The following EPS8L1 variants were observed in gnomAD, a reference collection of about 807,000 sequenced individuals.
The protein encoded by EPS8L1 is epidermal growth factor receptor kinase substrate 8-like protein 1.
In EPS8L1, 101 loss-of-function variants were observed where a neutral mutation model predicts 91.7. The observed-to-expected ratio is 1.10, with a 90% CI of 0.94 to 1.30. The LOEUF (loss-of-function observed/expected upper bound fraction) is 1.30, where lower values mean the gene tolerates loss of function less well. Ranked by LOEUF, EPS8L1 falls within the 50% of genes most tolerant of loss-of-function variation. The pLI, the probability that EPS8L1 is intolerant of heterozygous loss-of-function variation, is 0.00. For missense variants in EPS8L1, 1,114 were observed against 1,017.0 expected (o/e 1.10, Z -1.30); for synonymous variants, 506 against 445.3 (o/e 1.14, Z -1.72).
In EPS8L1 at chr19:55,079,808, G is replaced by C. The variant is rs370375170; in HGVS notation, c.236G>C (p.Arg79Pro). The C allele has an allele frequency of 2.9e-5, 46 of 1,613,892 alleles. No individual in the cohort carries two copies. The highest frequency in any genetic ancestry group is 3.8e-5 in the Non-Finnish European group (45 of 1,179,992). Residue 79 changes from arginine to proline, a missense_variant, in exon 5 of 20, where the codon CGA (arginine) becomes CCA (proline). Transcript: ENST00000201647. ...GTCTGGGCACAGGAGATGCTGCTGC[G>C]AGTGTCTCCCGACCATGTCACGCTG... ...GRVWAQEMLLRVSPDHVTLLD... is the reference protein window; with the variant it reads ...GRVWAQEMLLPVSPDHVTLLD...
In EPS8L1 at chr19:55,083,722, C is replaced by T; in HGVS notation, c.1385+78C>T. 6.5e-7 allele frequency: 1 copy of T among 1,534,298 alleles called. No individual in the cohort carries two copies. Among genetic ancestry groups the T allele is most frequent in the Non-Finnish European group, 8.8e-7 (1 of 1,132,948 alleles). ...GGGGCTCCCGATGCTGACTCCGCCC[C>T]CTTTTTTTCTGTGTTTTTCCTTCTG... On this transcript the variant is annotated intron_variant, in intron 14 of 19. Coordinates refer to ENST00000201647, the MANE Select transcript of EPS8L1 (RefSeq NM_133180.3). This position sits in a 1 kb window ranked among gnomAD's most constrained non-coding sequence, Gnocchi z 4.7.
In EPS8L1 at chr19:55,086,088, A is replaced by G; in HGVS notation, c.1546A>G (p.Lys516Glu). Reference sequence around the variant, plus strand: ...CCTGGATGACAGTCGTAAGTGGTGGAAGGTTCGGGACCCAGCGGGGCAGGA... The same window carrying G: ...CCTGGATGACAGTCGTAAGTGGTGGGAGGTTCGGGACCCAGCGGGGCAGGA... ...EVLDDSRKWW[K>E]VRDPAGQEGY... The change falls in exon 16 of 20, where the codon AAG (lysine) becomes GAG (glutamate). Residue 516 changes from lysine (K) to glutamate (E), a missense_variant. Transcript: ENST00000201647. 3 of 1,600,066 alleles carry G rather than the reference A, an allele frequency of 1.9e-6. No homozygotes were observed. The highest frequency in any genetic ancestry group is 2.6e-6 in the Non-Finnish European group (3 of 1,171,190).
intron 5 of EPS8L1, 101 bp downstream of exon 5, chr19:55,079,952 G>A: frequency 1.4e-6 from 2 of 1,462,920 alleles, no homozygotes; most frequent in South Asian, 1.4e-5. Flanking sequence ...TGGGAACTCT[G>A]GCGAGGGACC....
At position 55,081,581 on chromosome 19, in the gene EPS8L1, G is replaced by C; in HGVS notation, c.774+89G>C. ...GAAGGGCGGGGCCGGCTGCGGGACG[G>C]GCGTTCTCTGGTCAGACTTCTGCGT... On this transcript the variant is annotated intron_variant, in intron 8 of 19. Transcript: ENST00000201647. The surrounding 1 kb of genome is among the most constrained non-coding windows in gnomAD (Gnocchi z 4.9). 4 of 1,448,856 alleles carry C rather than the reference G, an allele frequency of 2.8e-6. No individual in the cohort carries two copies. Among genetic ancestry groups the C allele is most frequent in the Non-Finnish European group, 2.7e-6 (3 of 1,098,056 alleles). 89.8% of individuals were successfully genotyped at this position (1,448,856 alleles called of 1,614,324 possible).
chr19:55,078,140 G>A lies in EPS8L1; in HGVS notation c.58+12G>A, dbSNP rs1342942525. Reference sequence around the variant, plus strand: ...CAAGTCTATCTATGGTGAGCGGGGGGCAAGGGAGCCCCAGGCCCATAGAAC... The same window carrying A: ...CAAGTCTATCTATGGTGAGCGGGGGACAAGGGAGCCCCAGGCCCATAGAAC... On this transcript the variant is annotated intron_variant, in intron 3 of 19. Coordinates refer to ENST00000201647, the MANE Select transcript of EPS8L1 (RefSeq NM_133180.3). 3.1e-6 allele frequency: 5 copies of A among 1,612,828 alleles called. No individual in the cohort carries two copies. The highest frequency in any genetic ancestry group is 1.1e-5 in the South Asian group (1 of 91,012).
At chr19:55,082,005 C>T in intron 9 of EPS8L1, 87 bp from the exon 10 acceptor site, 1 of 1,552,180 alleles carries the variant, frequency 6.4e-7, no homozygotes, top group Non-Finnish European at 8.7e-7. Context: ...GCTGACCTCA[C>T]CGCCATCTTA....
chr19:55,086,519 G>T lies in EPS8L1; in HGVS notation c.1777+1G>T. ...AACGGCTTGGACCCCAGCGAGAAGG[G>T]TGAGTGGTGGGGACGCCGGCTGCGG... On this transcript the variant is annotated splice_donor_variant, in intron 17 of 19. Transcript: ENST00000201647. LOFTEE classifies it high-confidence loss of function. The T allele has an allele frequency of 6.4e-7, 1 of 1,551,044 alleles. No homozygotes were observed. Among genetic ancestry groups the T allele is most frequent in the South Asian group, 1.2e-5 (1 of 84,024 alleles).
rs1048331785 is a variant in EPS8L1 at position 55,082,712 on chromosome 19, T to C, written c.1214+110T>C. On this transcript the variant is annotated intron_variant, in intron 12 of 19. Coordinates refer to ENST00000201647, the MANE Select transcript of EPS8L1 (RefSeq NM_133180.3). ...ATAGGACTAGGAGAGTAGGGAGGGGTTAGAGGCGTGGCTTAGTTGTGTTGG... is the reference window on the plus strand; with the variant it reads ...ATAGGACTAGGAGAGTAGGGAGGGGCTAGAGGCGTGGCTTAGTTGTGTTGG... The C allele has an allele frequency of 1.9e-5, 19 of 1,009,112 alleles. 1 individual carries two copies. Among genetic ancestry groups the C allele is most frequent in the African/African-American group, 3.3e-5 (2 of 60,520 alleles). The allele number at this position is 1,009,112 out of a possible 1,614,324, so 62.5% of individuals were successfully genotyped here.
chr19:55,076,166 G>T lies in EPS8L1; in HGVS notation c.-37-242G>T, dbSNP rs1388888599. 1.8e-3 allele frequency among the ~76,000 whole-genome samples: 138 copies of T among 76,000 alleles called. 1 individual carries two copies. The highest frequency in any genetic ancestry group is 6.2e-3 in the African/African-American group (128 of 20,520). The allele number at this position is 76,000 out of a possible 152,430, so 49.9% of individuals were successfully genotyped here. ...CTGGACTCCTGGGTCTGAGGGAGGA[G>T]TGGACTGGGGTCTGGACTCCTGGGT... is the stretch of plus-strand genomic sequence containing the variant. On this transcript the variant is annotated intron_variant, in intron 1 of 19. Transcript: ENST00000201647.
rs772993070 is a variant in EPS8L1, at chr19:55,086,711, C to T, written c.1778-3C>T. The T allele has an allele frequency of 6.2e-6, 10 of 1,605,104 alleles. No homozygotes were observed. In the Admixed American group the frequency reaches 1.0e-4, roughly 16 times the overall value. ...TCCCTACCTCCCGGTTTCCCGCCTGCAGAGAAATTCTCCCAGATGCTCATC... is the reference window on the plus strand; with the variant it reads ...TCCCTACCTCCCGGTTTCCCGCCTGTAGAGAAATTCTCCCAGATGCTCATC... On this transcript the variant is annotated splice_region_variant and splice_polypyrimidine_tract_variant and intron_variant, in intron 17 of 19. Transcript: ENST00000201647.
rs1235525102 is a variant in EPS8L1 at position 55,081,016 on chromosome 19, A to G, written c.512+162A>G. 17 of 904,252 alleles carry G rather than the reference A, an allele frequency of 1.9e-5. 1 individual carries two copies. Among genetic ancestry groups the G allele is most frequent in the South Asian group, 1.2e-4 (7 of 56,420 alleles). 56.0% of individuals were successfully genotyped at this position (904,252 alleles called of 1,614,324 possible). A position where few individuals can be genotyped will look rare whatever the true frequency, so the allele number is the denominator to read the frequency against. On this transcript the variant is annotated intron_variant, in intron 7 of 19. Coordinates refer to ENST00000201647, the MANE Select transcript of EPS8L1 (RefSeq NM_133180.3). This position sits in a 1 kb window ranked among gnomAD's most constrained non-coding sequence, Gnocchi z 4.9. Reference sequence around the variant, plus strand: ...TCCCAGACGAGCTGACCCCTTCTCCAGAACTCTGCTTCTTTTCTCTGTTCC... The same window carrying G: ...TCCCAGACGAGCTGACCCCTTCTCCGGAACTCTGCTTCTTTTCTCTGTTCC...
chr19:55,083,382 G>C lies in EPS8L1; in HGVS notation c.1219G>C (p.Glu407Gln). Residue 407 changes from glutamate (E) to glutamine (Q), a missense_variant, in exon 13 of 20, where the codon GAG becomes CAG. Glu to Gln is a conservative substitution (Grantham distance 29). Coordinates refer to ENST00000201647, the MANE Select transcript of EPS8L1 (RefSeq NM_133180.3). This position sits in a 1 kb window ranked among gnomAD's most constrained non-coding sequence, Gnocchi z 4.7. ...TGGCCCTGTCCCTGGCCGCAGGCTG[G>C]AGCTGTCCCCGGAGGAGGGACCCCC... ...LGDSWTRPGL[E>Q]LSPEEGPPYR... 1 of 1,612,874 alleles carries C rather than the reference G, an allele frequency of 6.2e-7. No homozygotes were observed.
At chr19:55,078,009 C>A (rs979753489) in intron 2 of EPS8L1, 79 bp from the exon 3 acceptor site, 1 of 1,231,454 alleles carries the variant, frequency 8.1e-7, no homozygotes, top group Non-Finnish European at 1.2e-6. Context: ...CGTCATGAAG[C>A]CCTTGCTGCC....
intron 4 of EPS8L1, among the ~76,000 whole-genome samples, 180 bp downstream of exon 4, chr19:55,079,237 G>A (rs2076201952): frequency 6.6e-6 from 1 of 152,086 alleles, no homozygotes; most frequent in South Asian, 2.1e-4. Flanking sequence ...CAGGGGCCTC[G>A]GGTCCACTTA....
intron 19 of EPS8L1, 40 bp from the exon 20 acceptor site, chr19:55,087,488 T>C (rs746839250): frequency 2.5e-6 from 4 of 1,614,038 alleles, no homozygotes; most frequent in Non-Finnish European, 3.4e-6. Flanking sequence ...TGACGAGGGC[T>C]CGGACGCCAG....
At chr19:55,087,128 G>GC in intron 18 of EPS8L1, 175 bp from the exon 19 acceptor site, 5 of 1,137,696 alleles carry the variant, frequency 4.4e-6, no homozygotes, top group Non-Finnish European at 6.0e-6. Flanking sequence ...ATGCGGCCAC[G>GC]CCCCCCGGGT....
chr19:55,081,417 C>T lies in EPS8L1; in HGVS notation c.699C>T (p.Ser233=), dbSNP rs764244322. The change falls in exon 8 of 20, where the codon AGC becomes AGT. Residue 233 remains serine, a synonymous_variant. Coordinates refer to ENST00000201647, the MANE Select transcript of EPS8L1 (RefSeq NM_133180.3). The surrounding 1 kb of genome is among the most constrained non-coding windows in gnomAD (Gnocchi z 4.9). ...GGCCTGAGCCGGTGGGGACCTCGAG[C>T]AACGCTGACTCGGCCTCCCCGGACC... ...AQRPEPVGTS[S]NADSASPDLG... is the part of the protein sequence containing the mutation. 4.4e-6 allele frequency: 7 copies of T among 1,598,502 alleles called. No individual in the cohort carries two copies. In the Admixed American group the frequency reaches 1.0e-4, roughly 24 times the overall value.
intron 1 of EPS8L1, among the ~76,000 whole-genome samples, chr19:55,076,136 G>GA (rs1390931585): frequency 8.3e-5 from 11 of 133,270 alleles, no homozygotes; most frequent in Non-Finnish European, 1.2e-4. Context: ...AGGAGGAGAT[G>GA]GGGCCTGGAC....
At position 55,086,103 on chromosome 19, in the gene EPS8L1, G is replaced by C. The variant is rs1423206524; in HGVS notation, c.1561G>C (p.Ala521Pro). The change falls in exon 16 of 20, where the codon GCG becomes CCG. Residue 521 changes from alanine to proline, a missense_variant. By Grantham distance (27) the Ala-to-Pro change is conservative. Coordinates refer to ENST00000201647, the MANE Select transcript of EPS8L1 (RefSeq NM_133180.3). The stretch of plus-strand genomic sequence containing the variant: ...TAAGTGGTGGAAGGTTCGGGACCCA[G>C]CGGGGCAGGAGGGATATGTGCCCTA... ...SRKWWKVRDP[A>P]GQEGYVPYNI... is the part of the protein sequence containing the mutation. 6 of 1,603,880 alleles carry C rather than the reference G, an allele frequency of 3.7e-6. No homozygotes were observed. The highest frequency in any genetic ancestry group is 5.1e-6 in the Non-Finnish European group (6 of 1,173,644).
Sources: gnomAD v4.1 joint callset for allele counts (sites outside exome capture counted in the v4.1 genomes callset) on GRCh38, gnomAD v4.1.1 for gene constraint, Gnocchi (gnomAD v3.1) non-coding constraint, MANE v1.5 for transcripts, NCBI Gene and HGNC (gene_info 2026-07-23, HGNC 2026-07-21) for gene names.